AGBL1: variants seen among roughly 807,000 people sequenced by gnomAD.
The protein encoded by AGBL1 is cytosolic carboxypeptidase 4.
AGBL1 carries 130 observed loss-of-function variants against 118.9 expected under a neutral mutation model. That is an observed-to-expected ratio of 1.09 (90% confidence interval 0.95 to 1.26). The LOEUF is 1.26. Among genes scored for constraint, AGBL1 ranks in the 50% most tolerant of loss-of-function variants. The pLI, the probability that AGBL1 is intolerant of heterozygous loss-of-function variation, is 0.00. For missense variants in AGBL1, 1,584 were observed against 1,298.1 expected (o/e 1.22, Z -3.38); for synonymous variants, 555 against 478.9 (o/e 1.16, Z -2.08).
intron 1 of AGBL1, among the ~76,000 whole-genome samples, chr15:86,082,360 G>A (rs1027551563): frequency 6.6e-6 from 1 of 152,228 alleles, no homozygotes; most frequent in Admixed American, 6.5e-5. Context: ...CTCTTCTTGT[G>A]CACAAGGTGA....
intron 24 of AGBL1, among the ~76,000 whole-genome samples, chr15:86,994,115 G>A (rs1220829922): frequency 6.6e-6 from 1 of 152,152 alleles, no homozygotes; most frequent in Admixed American, 6.5e-5. Context: ...CACTGAAAGA[G>A]GAAGCTCCCC....
At chr15:86,274,066 G>A (rs74503829) in intron 15 of AGBL1, among the ~76,000 whole-genome samples, 1,539 of 152,224 alleles carry the variant, frequency 0.01, 33 homozygotes, top group African/African-American at 0.032. Flanking sequence ...TTAAAAAAGT[G>A]TATATGCATT....
intron 16 of AGBL1, among the ~76,000 whole-genome samples, chr15:86,289,367 T>C (rs1203407170): frequency 6.6e-6 from 1 of 152,192 alleles, no homozygotes; most frequent in Non-Finnish European, 1.5e-5. Context: ...ATAACTTTAC[T>C]AGTGCTTTCT....
At chr15:86,756,131 G>C (rs139208155) in intron 22 of AGBL1, among the ~76,000 whole-genome samples, 2 of 149,800 alleles carry the variant, frequency 1.3e-5, no homozygotes, top group East Asian at 1.9e-4. Context: ...GGGAAGAATG[G>C]GTAATATTAG....
intron 21 of AGBL1, among the ~76,000 whole-genome samples, chr15:86,571,294 G>C (rs1228524474): frequency 6.6e-6 from 1 of 152,190 alleles, no homozygotes; most frequent in Admixed American, 6.5e-5. Flanking sequence ...AACCCTGTTT[G>C]TGTTACAGAT....
chr15:87,027,121 CAAT>C, intron 24 of AGBL1, among the ~76,000 whole-genome samples: 1 of 151,936 alleles, frequency 6.6e-6, no homozygotes, highest in East Asian at 2.0e-4. Flanking sequence ...ACCTGTTCCT[CAAT>C]AACATATAAA....
At chr15:86,715,533 T>C (rs180847762) in intron 22 of AGBL1, among the ~76,000 whole-genome samples, 2 of 152,308 alleles carry the variant, frequency 1.3e-5, no homozygotes, top group Admixed American at 6.5e-5. Context: ...CTTTAGCAAA[T>C]AGAATAGTTA....
At chr15:86,700,468 TACACACACACACACAC>T (rs67457435) in intron 22 of AGBL1, among the ~76,000 whole-genome samples, 13 of 114,736 alleles carry the variant, frequency 1.1e-4, no homozygotes, top group South Asian at 6.6e-4. Context: ...AGCAGACTAA[TACACACACACACACAC>T]ACACACACAC....
chr15:86,684,581 A>C (rs916395529), intron 22 of AGBL1, among the ~76,000 whole-genome samples: 1 of 151,762 alleles, frequency 6.6e-6, no homozygotes, highest in African/African-American at 2.4e-5. Flanking sequence ...TTGGCCTCCC[A>C]AAGTGCTGGG....
intron 22 of AGBL1, among the ~76,000 whole-genome samples, chr15:86,904,632 G>T (rs1031410876): frequency 6.8e-6 from 1 of 147,688 alleles, no homozygotes; most frequent in East Asian, 1.9e-4. Flanking sequence ...TATTTATTTT[G>T]TTATGTATAA....
chr15:86,994,763 G>T (rs2081365478), intron 24 of AGBL1, among the ~76,000 whole-genome samples: 1 of 152,176 alleles, frequency 6.6e-6, no homozygotes, highest in South Asian at 2.1e-4. Flanking sequence ...CTTTCCAAGG[G>T]CAAATTTAAA....
intron 18 of AGBL1, among the ~76,000 whole-genome samples, chr15:86,403,030 G>T (rs922563269): frequency 5.9e-5 from 9 of 152,256 alleles, no homozygotes; most frequent in African/African-American, 1.4e-4. Context: ...GGTAAAAATA[G>T]AATGGGCAGT....
chr15:86,812,132 A>G (rs1294695127), intron 22 of AGBL1, among the ~76,000 whole-genome samples: 3 of 152,218 alleles, frequency 2.0e-5, no homozygotes, highest in Non-Finnish European at 4.4e-5. Flanking sequence ...ATCCTAGCCT[A>G]GTATGACAAT....
intron 19 of AGBL1, 130 bp from the exon 20 acceptor site, chr15:86,545,872 A>T: frequency 8.6e-7 from 1 of 1,157,164 alleles, no homozygotes; most frequent in Non-Finnish European, 1.2e-6. Context: ...TGCTAACTCA[A>T]CAGCATCCGA....
At chr15:86,379,390 A>G (rs1028167536) in intron 17 of AGBL1, among the ~76,000 whole-genome samples, 2 of 152,170 alleles carry the variant, frequency 1.3e-5, no homozygotes, top group African/African-American at 4.8e-5. Context: ...GTTTTACAGA[A>G]AACTTTTTAA....
chr15:86,195,263 TG>T (rs2077783636), intron 5 of AGBL1, among the ~76,000 whole-genome samples: 1 of 152,158 alleles, frequency 6.6e-6, no homozygotes, highest in Non-Finnish European at 1.5e-5. Context: ...AACTCCTAGT[TG>T]AAGGGTACCT....
chr15:86,637,887 T>C (rs1285059195), intron 21 of AGBL1, among the ~76,000 whole-genome samples: 1 of 152,210 alleles, frequency 6.6e-6, no homozygotes, highest in Non-Finnish European at 1.5e-5. Context: ...CTTTATAGCA[T>C]CAAAGAGGGA....
At chr15:86,612,462 G>C (rs997944459) in intron 21 of AGBL1, among the ~76,000 whole-genome samples, 7 of 151,902 alleles carry the variant, frequency 4.6e-5, no homozygotes, top group Admixed American at 2.0e-4. Context: ...ATGGGGGTCT[G>C]ACATGCCTCA....
chr15:86,325,510 G>T (rs1233642466), intron 17 of AGBL1, among the ~76,000 whole-genome samples: 1 of 152,116 alleles, frequency 6.6e-6, no homozygotes, highest in Admixed American at 6.5e-5. Flanking sequence ...GTTTGGCAGG[G>T]CCTCTCCTTT....
Sources: allele counts gnomAD v4.1 joint callset (sites outside exome capture counted in the v4.1 genomes callset), GRCh38; gene constraint gnomAD v4.1.1; transcripts MANE v1.5; gene names NCBI Gene and HGNC (gene_info 2026-07-23, HGNC 2026-07-21).